HADHA: variants seen among roughly 807,000 people sequenced by gnomAD.
HADHA encodes the protein trifunctional enzyme subunit alpha, mitochondrial.
A neutral mutation model predicts 91.3 loss-of-function variants in HADHA; 59 were observed. The ratio of observed to expected loss-of-function variants is 0.65; its 90% CI spans 0.52 to 0.80. The LOEUF (loss-of-function observed/expected upper bound fraction) is 0.80, where lower values mean the gene tolerates loss of function less well. Ranked by LOEUF, HADHA falls within the 30% of genes least tolerant of loss-of-function variation. HADHA has a pLI of 0.00. For missense variants in HADHA, 800 were observed against 927.6 expected, an observed-to-expected ratio of 0.86 and a Z score of 1.79; for synonymous variants, 320 against 338.9, an observed-to-expected ratio of 0.94 and a Z score of 0.61.
rs755296795 is a variant in HADHA, at chr2:26,204,193, A to G, written c.1089T>C (p.His363=). ...TCAGCCCTGCACCAAGAATAGCCAG[A>G]TGCCTGCAAGGCAAGGATGAAATGA... ...KFGAPQKDVK[H]LAILGAGLMG... Residue 363 remains histidine (H), a synonymous_variant, in exon 12 of 20, where the codon CAT becomes CAC. Coordinates refer to ENST00000380649, the MANE Select transcript of HADHA (RefSeq NM_000182.5). 26 of 1,613,890 alleles carry G rather than the reference A, an allele frequency of 1.6e-5. No individual in the cohort carries two copies. The South Asian group carries it at 2.7e-4, about 17-fold the overall frequency.
intron 1 of HADHA, chr2:26,243,203 C>T (rs1321734230): frequency 6.6e-6 from 1 of 152,184 alleles, no homozygotes; most frequent in Non-Finnish European, 1.5e-5. Context: ...AACCACGTGC[C>T]CTGGCTACCA....
intron 1 of HADHA, among the ~76,000 whole-genome samples, chr2:26,241,662 C>A (rs1264283737): frequency 6.6e-6 from 1 of 151,174 alleles, no homozygotes; most frequent in Non-Finnish European, 1.5e-5. Context: ...AAAAAAAAAA[C>A]CGAAAAAACA....
chr2:26,243,390 C>A (rs1304283449), intron 1 of HADHA: 1 of 148,780 alleles, frequency 6.7e-6, no homozygotes, highest in East Asian at 2.0e-4. Flanking sequence ...AGTAGTAAGA[C>A]AATGGGTGAT....
Position 26,214,463 on chromosome 2 carries a change from C to A in HADHA, c.898G>T (p.Ala300Ser), listed in dbSNP as rs1325650924. 1 of 1,546,736 alleles carries A rather than the reference C, an allele frequency of 6.5e-7. No homozygotes were observed. The highest frequency in any genetic ancestry group is 1.7e-5 in the Admixed American group (1 of 59,924). ...VRKQTKGLYP[A>S]PLKIIDVVKT... is the part of the protein sequence containing the mutation. ...CTCACATCAATTATTTTCAGAGGTGCAGGATAAAGGCCTTTAGTCTGCTTT... is the reference window on the plus strand; with the variant it reads ...CTCACATCAATTATTTTCAGAGGTGAAGGATAAAGGCCTTTAGTCTGCTTT... Residue 300 changes from alanine (A) to serine (S), a missense_variant, in exon 9 of 20, where the codon GCA becomes TCA. Ala to Ser is a moderately conservative substitution (Grantham distance 99, BLOSUM62 1). Transcript: ENST00000380649. The surrounding 1 kb of genome is among the most constrained non-coding windows in gnomAD (Gnocchi z 4.1).
At chr2:26,207,521 T>C (rs532408575) in intron 11 of HADHA, among the ~76,000 whole-genome samples, 7 of 152,236 alleles carry the variant, frequency 4.6e-5, no homozygotes, top group Non-Finnish European at 7.3e-5. Context: ...AGTTGTTTAA[T>C]ATTTGTCTAC....
At position 26,229,346 on chromosome 2, in the gene HADHA, G is replaced by A. The variant is rs375543980; in HGVS notation, c.676+846C>T. ...GAGTGAGACCCCAACATGTGTGCGC[G>A]CGCACACACACACACACACACACAC... On this transcript the variant is annotated intron_variant, in intron 7 of 19. Coordinates refer to ENST00000380649, the MANE Select transcript of HADHA (RefSeq NM_000182.5). This position sits in a 1 kb window ranked among gnomAD's most constrained non-coding sequence, Gnocchi z 4.3. 3.3e-4 allele frequency among the ~76,000 whole-genome samples: 12 copies of A among 36,738 alleles called. No individual in the cohort carries two copies. Among genetic ancestry groups the A allele is most frequent in the Admixed American group, 1.0e-3 (4 of 3,828 alleles). The allele number at this position is 36,738 out of a possible 152,430, so 24.1% of individuals were successfully genotyped here.
chr2:26,213,113 G>A (rs1419884273), intron 9 of HADHA, among the ~76,000 whole-genome samples: 1 of 152,172 alleles, frequency 6.6e-6, no homozygotes, highest in Non-Finnish European at 1.5e-5. Context: ...CAAATTTTTA[G>A]AAATAAGCAA....
At chr2:26,238,575 G>A (rs1670816652) in intron 3 of HADHA, among the ~76,000 whole-genome samples, 1 of 152,180 alleles carries the variant, frequency 6.6e-6, no homozygotes, top group Non-Finnish European at 1.5e-5. Flanking sequence ...TGTCAGGCAA[G>A]TAATGAAGAA....
intron 7 of HADHA, among the ~76,000 whole-genome samples, chr2:26,215,468 G>T (rs1670195313): frequency 6.6e-6 from 1 of 152,164 alleles, no homozygotes; most frequent in South Asian, 2.1e-4. Context: ...TATGTCTACT[G>T]CAACCTGCAT....
At position 26,193,614 on chromosome 2, in the gene HADHA, T is replaced by C. The variant is rs1292140828; in HGVS notation, c.1848A>G (p.Pro616=). ...VFGERFGGGN[P]ELLTQMVSKG... is the part of the protein sequence containing the mutation. ...TGGACACCATCTGTGTCAGCAGTTC[T>C]GGGTTTCCACCTCCAAACCGCTCCC... Residue 616 remains proline, a synonymous_variant, in exon 17 of 20, where the codon CCA becomes CCG. Coordinates refer to ENST00000380649, the MANE Select transcript of HADHA (RefSeq NM_000182.5). The C allele has an allele frequency of 6.2e-7, 1 of 1,614,094 alleles. No homozygotes were observed. Among genetic ancestry groups the C allele is most frequent in the Admixed American group, 1.7e-5 (1 of 60,026 alleles).
intron 7 of HADHA, among the ~76,000 whole-genome samples, chr2:26,220,264 G>C (rs1670343557): frequency 6.6e-6 from 1 of 152,184 alleles, no homozygotes; most frequent in Non-Finnish European, 1.5e-5. Context: ...CCCAGTTTCA[G>C]AATGTACAAT....
chr2:26,241,940 T>C (rs1670903137), intron 1 of HADHA, among the ~76,000 whole-genome samples: 1 of 151,958 alleles, frequency 6.6e-6, no homozygotes, highest in Non-Finnish European at 1.5e-5. Context: ...TTTTGAGATA[T>C]GGTCTCATTC....
chr2:26,230,141 A>C, intron 7 of HADHA, 51 bp downstream of exon 7: 3 of 1,188,034 alleles, frequency 2.5e-6, no homozygotes, highest in Non-Finnish European at 3.8e-6. Flanking sequence ...TAACTCTTTA[A>C]GAAAATAAGT....
chr2:26,228,899 T>C (rs1453112164), intron 7 of HADHA, among the ~76,000 whole-genome samples: 22 of 152,134 alleles, frequency 1.4e-4, no homozygotes, highest in Admixed American at 1.4e-3. Context: ...AGGCTGGTCT[T>C]GAATTCCAGG....
At chr2:26,193,483 TC>T in intron 17 of HADHA, 93 bp downstream of exon 17, 1 of 1,075,986 alleles carries the variant, frequency 9.3e-7, no homozygotes, top group Non-Finnish European at 1.5e-6. Context: ...TAGAAAACTT[TC>T]TTCCACGAGG....
intron 7 of HADHA, among the ~76,000 whole-genome samples, chr2:26,227,511 CAAA>C (rs71399373): frequency 4.9e-5 from 7 of 141,888 alleles, no homozygotes; most frequent in Non-Finnish European, 3.1e-5. Flanking sequence ...GACTTTGTCT[CAAA>C]AAAAAAAAAA....
At chr2:26,224,229 A>T (rs1020993774) in intron 7 of HADHA, among the ~76,000 whole-genome samples, 1 of 152,210 alleles carries the variant, frequency 6.6e-6, no homozygotes, top group Non-Finnish European at 1.5e-5. Flanking sequence ...ACTGGGGGGA[A>T]AAAGGAGCTG....
At chr2:26,225,002 A>G (rs1459296137) in intron 7 of HADHA, among the ~76,000 whole-genome samples, 1 of 152,216 alleles carries the variant, frequency 6.6e-6, no homozygotes, top group East Asian at 1.9e-4. Context: ...AGATGAACAA[A>G]TTATTTGAAA....
chr2:26,212,023 T>TAATA (rs1350355302), intron 10 of HADHA: 7 of 158,564 alleles, frequency 4.4e-5, no homozygotes, highest in Admixed American at 6.1e-5. Flanking sequence ...CTGCCCTTCG[T>TAATA]AGAGACAACC....
Sources: allele counts gnomAD v4.1 joint callset (sites outside exome capture counted in the v4.1 genomes callset), GRCh38; gene constraint gnomAD v4.1.1; non-coding constraint Gnocchi (gnomAD v3.1); transcripts MANE v1.5; gene names NCBI Gene and HGNC (gene_info 2026-07-23, HGNC 2026-07-21).